The following SAMD5 variants were observed in gnomAD, a reference collection of about 807,000 sequenced individuals.
SAMD5 encodes sterile alpha motif domain containing 5, also known as sterile alpha motif domain-containing protein 5.
SAMD5 carries 13 observed loss-of-function variants against 11.3 expected under a neutral mutation model. The ratio of observed to expected loss-of-function variants is 1.15; its 90% confidence interval spans 0.75 to 1.83. The LOEUF (loss-of-function observed/expected upper bound fraction) is 1.83, where lower values mean the gene tolerates loss of function less well. Ranked by LOEUF, SAMD5 falls within the 40% of genes most tolerant of loss-of-function variation. The pLI is 0.00. For missense variants in SAMD5, 255 were observed against 239.1 expected (o/e 1.07, Z -0.44); for synonymous variants, 129 against 111.3 (o/e 1.16, Z -1.00).
At chr6:147,838,531 G>GCCCCCCC in the SAMD5 span, among the ~76,000 whole-genome samples, 4 of 127,702 alleles carry the variant, frequency 3.1e-5, 1 homozygote, top group African/African-American at 6.2e-5. Flanking sequence ...AGAATATCCT[G>GCCCCCCC]CCCCCCCCCC....
chr6:147,594,941 T>G (rs1447522762), intron 1 of SAMD5, among the ~76,000 whole-genome samples: 2 of 152,260 alleles, frequency 1.3e-5, no homozygotes, highest in Non-Finnish European at 2.9e-5. Flanking sequence ...ATGACAGTTC[T>G]GTTTACCAGA....
At chr6:147,890,361 C>A in the SAMD5 span, among the ~76,000 whole-genome samples, 1 of 140,748 alleles carries the variant, frequency 7.1e-6, no homozygotes, top group Non-Finnish European at 1.6e-5. Context: ...TTTCAATTAT[C>A]TTTTTTTTTT....
At chr6:147,947,952 A>G in the SAMD5 span, among the ~76,000 whole-genome samples, 1 of 151,898 alleles carries the variant, frequency 6.6e-6, no homozygotes, top group African/African-American at 2.4e-5. Context: ...TATTTTGACT[A>G]AATTGTTACC....
intron 1 of SAMD5, among the ~76,000 whole-genome samples, chr6:147,542,217 T>C (rs1180230060): frequency 6.6e-6 from 1 of 152,152 alleles, no homozygotes; most frequent in Non-Finnish European, 1.5e-5. Flanking sequence ...GAGTCCCCAG[T>C]CCCCAGTCCC....
chr6:147,821,622 A>G, the SAMD5 span, among the ~76,000 whole-genome samples: 3 of 152,200 alleles, frequency 2.0e-5, no homozygotes, highest in Non-Finnish European at 4.4e-5. Flanking sequence ...AATCAGTTTG[A>G]GATTATGCTC....
the SAMD5 span, among the ~76,000 whole-genome samples, chr6:147,851,078 C>A: frequency 6.6e-6 from 1 of 151,682 alleles, no homozygotes; most frequent in South Asian, 2.1e-4. Flanking sequence ...TCCCAAGTAG[C>A]TGGGATTACA....
At chr6:147,819,182 A>G in the SAMD5 span, among the ~76,000 whole-genome samples, 1 of 152,244 alleles carries the variant, frequency 6.6e-6, no homozygotes, top group Non-Finnish European at 1.5e-5. Flanking sequence ...TCTCAGGGAC[A>G]TGGATGGAGC....
chr6:147,948,289 A>AC, the SAMD5 span, among the ~76,000 whole-genome samples: 2 of 151,776 alleles, frequency 1.3e-5, no homozygotes, highest in African/African-American at 4.8e-5. Flanking sequence ...AAAAAAAAAA[A>AC]AACACGAATC....
At chr6:147,848,112 C>G in the SAMD5 span, among the ~76,000 whole-genome samples, 2 of 152,128 alleles carry the variant, frequency 1.3e-5, no homozygotes, top group African/African-American at 4.8e-5. Context: ...TGAAATCTCA[C>G]TACAGATGGG....
chr6:147,701,397 G>A (rs984746010), intron 1 of SAMD5, among the ~76,000 whole-genome samples: 29 of 152,172 alleles, frequency 1.9e-4, no homozygotes, highest in African/African-American at 6.3e-4. Flanking sequence ...ACTTTGGGAG[G>A]CCCAGGCAGG....
the SAMD5 span, among the ~76,000 whole-genome samples, chr6:147,860,812 CT>C: frequency 2.0e-5 from 3 of 152,118 alleles, no homozygotes; most frequent in Non-Finnish European, 4.4e-5. Context: ...TTACTTATGA[CT>C]TTTTTTCTAT....
the SAMD5 span, among the ~76,000 whole-genome samples, chr6:147,877,847 TACACACACACAC>T: frequency 2.7e-5 from 3 of 113,128 alleles, no homozygotes; most frequent in East Asian, 2.3e-4. Context: ...TTTATATAAA[TACACACACACAC>T]ACACACACAC....
intron 1 of SAMD5, among the ~76,000 whole-genome samples, chr6:147,652,788 G>GTGT (rs1283460167): frequency 6.6e-6 from 1 of 152,300 alleles, no homozygotes; most frequent in African/African-American, 2.4e-5. Flanking sequence ...CCCATATGAT[G>GTGT]TGTTGGTGAA....
the SAMD5 span, among the ~76,000 whole-genome samples, chr6:147,795,154 T>C: frequency 8.1e-5 from 12 of 148,056 alleles, no homozygotes; most frequent in African/African-American, 3.0e-4. Flanking sequence ...CATGCTGGTG[T>C]GCTGCACCCA....
At chr6:147,702,487 C>T (rs186569324) in intron 1 of SAMD5, among the ~76,000 whole-genome samples, 2 of 152,240 alleles carry the variant, frequency 1.3e-5, no homozygotes, top group African/African-American at 4.8e-5. Context: ...ACACTAGATA[C>T]ATTTGGTGAT....
chr6:147,551,812 TTATATATATA>T (rs10691979), intron 1 of SAMD5, among the ~76,000 whole-genome samples: 5 of 99,456 alleles, frequency 5.0e-5, no homozygotes, highest in African/African-American at 1.8e-4. Context: ...TATATATATG[TTATATATATA>T]TATATATATA....
the SAMD5 span, chr6:147,954,053 C>T: frequency 6.6e-6 from 1 of 152,208 alleles, no homozygotes; most frequent in Non-Finnish European, 1.5e-5. Context: ...ACCAAAAAGA[C>T]ACTCCAGAAT....
the SAMD5 span, among the ~76,000 whole-genome samples, chr6:147,862,659 T>A: frequency 6.6e-6 from 1 of 152,200 alleles, no homozygotes; most frequent in Admixed American, 6.5e-5. Flanking sequence ...AAATTTACCC[T>A]AAAATAAGTA....
intron 1 of SAMD5, among the ~76,000 whole-genome samples, chr6:147,726,757 A>G (rs368306131): frequency 6.6e-6 from 1 of 152,218 alleles, no homozygotes; most frequent in Admixed American, 6.5e-5. Flanking sequence ...ATAGCAGTAC[A>G]TGTGACATAA....
Sources: allele counts gnomAD v4.1 joint callset (sites outside exome capture counted in the v4.1 genomes callset), GRCh38; gene constraint gnomAD v4.1.1; transcripts MANE v1.5; gene names NCBI Gene and HGNC (gene_info 2026-07-23, HGNC 2026-07-21).